Variants in SAMD4A observed in about 807,000 individuals in gnomAD.
SAMD4A encodes protein Smaug homolog 1.
A neutral mutation model predicts 81.3 loss-of-function variants in SAMD4A; 33 were observed. The observed-to-expected ratio is 0.41, with a 90% CI of 0.31 to 0.54. The LOEUF (loss-of-function observed/expected upper bound fraction) is 0.54. SAMD4A is among the 20% of genes least tolerant of loss of function. The pLI is 0.37. For missense variants in SAMD4A, 854 were observed against 951.1 expected (o/e 0.90, Z 1.34); for synonymous variants, 389 against 382.1 (o/e 1.02, Z -0.21).
intron 8 of SAMD4A, 122 bp downstream of exon 8, chr14:54,764,662 T>A: frequency 1.5e-6 from 1 of 648,998 alleles, no homozygotes; most frequent in Non-Finnish European, 2.7e-6. Context: ...GGACAGTTAT[T>A]AATAATAGGT....
intron 11 of SAMD4A, among the ~76,000 whole-genome samples, chr14:54,778,860 A>G (rs1166753923): frequency 6.6e-6 from 1 of 152,208 alleles, no homozygotes; most frequent in Non-Finnish European, 1.5e-5. Flanking sequence ...GGGCCTGGCC[A>G]GGACCCAGGA....
intron 2 of SAMD4A, among the ~76,000 whole-genome samples, chr14:54,664,850 C>CACA (rs2035723406): frequency 6.6e-6 from 1 of 150,594 alleles, no homozygotes; most frequent in African/African-American, 2.5e-5. Context: ...CACACACACA[C>CACA]TTCCTTAAAA....
intron 2 of SAMD4A, among the ~76,000 whole-genome samples, chr14:54,571,032 T>TA (rs33978860): frequency 7.2e-5 from 11 of 152,044 alleles, no homozygotes; most frequent in African/African-American, 2.7e-4. Flanking sequence ...CTCAGTATAA[T>TA]AAAAAAAAAT....
intron 2 of SAMD4A, among the ~76,000 whole-genome samples, chr14:54,641,720 G>C (rs933147816): frequency 1.3e-5 from 2 of 152,148 alleles, no homozygotes; most frequent in African/African-American, 4.8e-5. Flanking sequence ...TTTTCTATGT[G>C]GAACAATTTT....
chr14:54,743,238 T>C (rs2037888171), intron 4 of SAMD4A, among the ~76,000 whole-genome samples: 1 of 152,240 alleles, frequency 6.6e-6, no homozygotes, highest in Non-Finnish European at 1.5e-5. Context: ...TTCTTGATGC[T>C]GACTTTCTAG....
Position 54,721,467 on chromosome 14 carries a change from T to C in SAMD4A, c.716-15557T>C, listed in dbSNP as rs954582951. Reference sequence around the variant, plus strand: ...TCTGTCTCTCTTAAATAGAAATCTTTAATGGGGAGTGTCTGAAATGCTTTT... The same window carrying C: ...TCTGTCTCTCTTAAATAGAAATCTTCAATGGGGAGTGTCTGAAATGCTTTT... On this transcript the variant is annotated intron_variant, in intron 3 of 12. Transcript: ENST00000554335. Among the ~76,000 whole-genome samples, 11 of 152,338 alleles carry C rather than the reference T, an allele frequency of 7.2e-5. No individual in the cohort carries two copies. In the South Asian group the frequency reaches 8.3e-4, roughly 11 times the overall value.
intron 2 of SAMD4A, among the ~76,000 whole-genome samples, chr14:54,692,278 A>T: frequency 6.6e-6 from 1 of 152,202 alleles, no homozygotes; most frequent in East Asian, 1.9e-4. Flanking sequence ...CCTGAGGTGT[A>T]TAAACCTGTT....
At chr14:54,757,123 C>T (rs2038259840) in intron 6 of SAMD4A, among the ~76,000 whole-genome samples, 1 of 152,186 alleles carries the variant, frequency 6.6e-6, no homozygotes, top group Admixed American at 6.5e-5. Flanking sequence ...CCATTTCTCC[C>T]TGTTTCCTTC....
chr14:54,644,151 C>T (rs2035234576), intron 2 of SAMD4A, among the ~76,000 whole-genome samples: 1 of 151,978 alleles, frequency 6.6e-6, no homozygotes, highest in African/African-American at 2.4e-5. Context: ...TGCCATTTTC[C>T]AGCATTTTCA....
intron 3 of SAMD4A, among the ~76,000 whole-genome samples, chr14:54,704,742 C>T (rs867254291): frequency 9.9e-5 from 15 of 152,200 alleles, no homozygotes; most frequent in Non-Finnish European, 2.1e-4. Flanking sequence ...GCTCAGATCT[C>T]CCCTCCAGAA....
At chr14:54,766,432 G>A (rs544469259) in intron 8 of SAMD4A, among the ~76,000 whole-genome samples, 22 of 152,306 alleles carry the variant, frequency 1.4e-4, no homozygotes, top group African/African-American at 5.3e-4. Flanking sequence ...GAAAGCCTCT[G>A]ATAAGGTCAT....
intron 2 of SAMD4A, among the ~76,000 whole-genome samples, chr14:54,622,017 G>A (rs935094126): frequency 1.3e-5 from 2 of 152,116 alleles, no homozygotes; most frequent in Non-Finnish European, 2.9e-5. Context: ...AGCAAATGAA[G>A]TATTTTGCTG....
intron 2 of SAMD4A, chr14:54,652,841 G>A (rs910527533): frequency 5.9e-5 from 9 of 152,144 alleles, no homozygotes; most frequent in Admixed American, 5.2e-4. Flanking sequence ...CTCGCATTTG[G>A]TAACTGTTTT....
chr14:54,608,090 G>A (rs184306574), intron 2 of SAMD4A, among the ~76,000 whole-genome samples: 3 of 151,994 alleles, frequency 2.0e-5, no homozygotes, highest in Non-Finnish European at 4.4e-5. Flanking sequence ...CACTAGTGTC[G>A]AGAGGACAGA....
chr14:54,615,833 T>C (rs928947455), intron 2 of SAMD4A, among the ~76,000 whole-genome samples: 4 of 152,186 alleles, frequency 2.6e-5, no homozygotes, highest in Non-Finnish European at 2.9e-5. Context: ...TCTAAAAATA[T>C]AATATTTAAA....
intron 8 of SAMD4A, among the ~76,000 whole-genome samples, chr14:54,768,738 CCCACCTT>C (rs1218801115): frequency 6.6e-6 from 1 of 152,202 alleles, no homozygotes; most frequent in African/African-American, 2.4e-5. Flanking sequence ...CGCCTCCTAG[CCCACCTT>C]GATGCATATT....
At chr14:54,596,709 C>G (rs1353130858) in intron 2 of SAMD4A, among the ~76,000 whole-genome samples, 1 of 152,190 alleles carries the variant, frequency 6.6e-6, no homozygotes, top group Non-Finnish European at 1.5e-5. Context: ...GGGGAGATGC[C>G]CCAGCCTTTC....
chr14:54,762,703 CA>C (rs1358440065), intron 7 of SAMD4A, among the ~76,000 whole-genome samples: 2 of 152,186 alleles, frequency 1.3e-5, no homozygotes, highest in East Asian at 3.8e-4. Flanking sequence ...TAACACTCAG[CA>C]TACACAATTC....
chr14:54,727,212 T>G (rs2037445724), intron 3 of SAMD4A, among the ~76,000 whole-genome samples: 1 of 124,420 alleles, frequency 8.0e-6, no homozygotes, highest in Non-Finnish European at 1.7e-5. Context: ...TTTTTTGAGG[T>G]GGAGTCTCAC....
Sources: gnomAD v4.1 joint callset for allele counts (sites outside exome capture counted in the v4.1 genomes callset) on GRCh38, gnomAD v4.1.1 for gene constraint, MANE v1.5 for transcripts, NCBI Gene and HGNC (gene_info 2026-07-23, HGNC 2026-07-21) for gene names.